SPC25: variants seen among roughly 807,000 people sequenced by gnomAD.
The protein encoded by SPC25 is kinetochore protein Spc25.
In SPC25, 22 loss-of-function variants were observed where a neutral mutation model predicts 29.6. The ratio of observed to expected loss-of-function variants is 0.74; its 90% CI spans 0.53 to 1.06. The LOEUF (loss-of-function observed/expected upper bound fraction) is 1.06. Ranked by LOEUF, SPC25 falls within the 50% of genes least tolerant of loss-of-function variation. SPC25 has a pLI of 0.00. For missense variants in SPC25, 230 were observed against 255.8 expected, an observed-to-expected ratio of 0.90 and a Z score of 0.69; for synonymous variants, 91 against 90.4, an observed-to-expected ratio of 1.01 and a Z score of -0.04.
chr2:168,864,913 T>C (rs773751937), intron 4 of SPC25: 210 of 1,614,024 alleles, frequency 1.3e-4, no homozygotes, highest in Non-Finnish European at 1.6e-4. Flanking sequence ...GCCATTTTCC[T>C]GCCGCTTATG....
intron 3 of SPC25, among the ~76,000 whole-genome samples, chr2:168,879,094 G>T (rs1264844441): frequency 1.3e-5 from 2 of 152,182 alleles, no homozygotes; most frequent in African/African-American, 4.8e-5. Context: ...TTTGCAGGGG[G>T]AGGGTCTTGC....
At chr2:168,869,408 A>ACT (rs1376539403), downstream of SPC25, among the ~76,000 whole-genome samples, 11 of 152,206 alleles carry the variant, frequency 7.2e-5, no homozygotes, top group Non-Finnish European at 1.6e-4. Flanking sequence ...GAAAAGAGGA[A>ACT]CTCAAATTGT....
downstream of SPC25, among the ~76,000 whole-genome samples, chr2:168,868,957 A>G (rs1302162336): frequency 1.3e-5 from 2 of 152,224 alleles, no homozygotes; most frequent in African/African-American, 4.8e-5. Context: ...AAAATCCTCA[A>G]TAAAATACTG....
rs1205958646 is a variant in SPC25, at chr2:168,871,298, T to C, written c.*133A>G. ...GCAGCACACCAATATGGCACATGTA[T>C]ACATATGTAACAAACCTGCACATTG... On this transcript the variant is annotated 3_prime_UTR_variant, in exon 7 of 7. Transcript: ENST00000282074. 1 of 799,126 alleles carries C rather than the reference T, an allele frequency of 1.3e-6. No individual in the cohort carries two copies. Among genetic ancestry groups the C allele is most frequent in the African/African-American group, 1.8e-5 (1 of 56,036 alleles). The allele number at this position is 799,126 out of a possible 1,614,324, so 49.5% of individuals were successfully genotyped here.
intron 3 of SPC25, among the ~76,000 whole-genome samples, chr2:168,884,377 C>T (rs62176783): frequency 0.1 from 15,630 of 152,248 alleles, 1,552 homozygotes; most frequent in African/African-American, 0.26. Context: ...AAATACCTCT[C>T]ACTTTCAATA....
intron 4 of SPC25, chr2:168,865,055 A>C: frequency 6.9e-7 from 1 of 1,453,742 alleles, no homozygotes; most frequent in Non-Finnish European, 9.4e-7. Context: ...TCTTACCTTT[A>C]CATGTTTTTC....
chr2:168,878,032 T>C (rs1394427962), intron 3 of SPC25, among the ~76,000 whole-genome samples: 1 of 152,108 alleles, frequency 6.6e-6, no homozygotes. Flanking sequence ...TTTTAAACAG[T>C]GCTTTGAGGA....
At chr2:168,877,460 T>C (rs1221309526) in intron 3 of SPC25, 76 bp from the exon 4 acceptor site, 10 of 1,499,750 alleles carry the variant, frequency 6.7e-6, no homozygotes, top group African/African-American at 2.8e-5. Context: ...CAAAGTTTAC[T>C]GACTTTCATA....
downstream of SPC25, among the ~76,000 whole-genome samples, chr2:168,868,922 A>G (rs1689926398): frequency 6.6e-6 from 1 of 152,228 alleles, no homozygotes. Context: ...ATTTTAGACC[A>G]ATATCCTTGA....
intron 4 of SPC25, among the ~76,000 whole-genome samples, chr2:168,861,531 C>T (rs1689450458): frequency 6.6e-6 from 1 of 151,492 alleles, no homozygotes; most frequent in African/African-American, 2.4e-5. Context: ...TTATGGTTCA[C>T]ACAATATATT....
At chr2:168,886,148 G>A (rs1690258582) in intron 3 of SPC25, among the ~76,000 whole-genome samples, 1 of 150,610 alleles carries the variant, frequency 6.6e-6, no homozygotes, top group Admixed American at 6.6e-5. Context: ...CAATCTCCTG[G>A]GCTCAAGCGA....
At chr2:168,889,892 GC>G (rs1426198515) in intron 1 of SPC25, among the ~76,000 whole-genome samples, 1 of 152,074 alleles carries the variant, frequency 6.6e-6, no homozygotes, top group African/African-American at 2.4e-5. Context: ...TAGCCAGGTG[GC>G]CGGCACCCTC....
chr2:168,862,938 C>G (rs1387951433), intron 4 of SPC25, among the ~76,000 whole-genome samples: 1 of 152,170 alleles, frequency 6.6e-6, no homozygotes, highest in East Asian at 1.9e-4. Flanking sequence ...GACAGGGACA[C>G]CACACATTTG....
At chr2:168,862,017 C>T in intron 4 of SPC25, 2 of 1,614,134 alleles carry the variant, frequency 1.2e-6, no homozygotes, top group Non-Finnish European at 1.7e-6. Flanking sequence ...TCTTTTCAAG[C>T]CAGGCAAGAT....
chr2:168,865,643 T>C (rs1307962796), intron 4 of SPC25: 1 of 152,088 alleles, frequency 6.6e-6, no homozygotes, highest in Non-Finnish European at 1.5e-5. Context: ...GAGAAGGAAA[T>C]AAAGGGCATT....
chr2:168,864,732 CA>C (rs1689745939), intron 4 of SPC25: 3 of 1,355,202 alleles, frequency 2.2e-6, no homozygotes, highest in Middle Eastern at 2.1e-4. Context: ...ATGACACTAC[CA>C]AGTAAATCCT....
At chr2:168,879,673 C>T (rs567750578) in intron 3 of SPC25, among the ~76,000 whole-genome samples, 4 of 152,338 alleles carry the variant, frequency 2.6e-5, no homozygotes, top group African/African-American at 9.6e-5. Context: ...TGTTCTATGG[C>T]ATCTAGAATG....
At chr2:168,881,853 T>G (rs2105830894) in intron 3 of SPC25, among the ~76,000 whole-genome samples, 1 of 152,340 alleles carries the variant, frequency 6.6e-6, no homozygotes, top group South Asian at 2.1e-4. Context: ...CCATAAATCT[T>G]CAAAAGAGAA....
intron 4 of SPC25, chr2:168,865,216 C>A (rs781573628): frequency 1.3e-5 from 6 of 457,112 alleles, no homozygotes; most frequent in African/African-American, 2.0e-5. Context: ...CTAGGAGACC[C>A]TAGAGATGAT....
Sources: gnomAD v4.1 joint callset for allele counts (sites outside exome capture counted in the v4.1 genomes callset) on GRCh38, gnomAD v4.1.1 for gene constraint, MANE v1.5 for transcripts, NCBI Gene and HGNC (gene_info 2026-07-23, HGNC 2026-07-21) for gene names.